The following CDH18 variants were observed in gnomAD, a reference collection of about 807,000 sequenced individuals.
CDH18 encodes the protein cadherin 18.
A neutral mutation model predicts 67.9 loss-of-function variants in CDH18; 31 were observed. That is an observed-to-expected ratio of 0.46 (90% CI 0.34 to 0.62). The LOEUF is 0.62. Ranked by LOEUF, CDH18 falls within the 20% of genes least tolerant of loss-of-function variation. CDH18 has a pLI of 0.01. For missense variants in CDH18, 890 were observed against 975.5 expected (o/e 0.91, Z 1.17); for synonymous variants, 362 against 347.2 (o/e 1.04, Z -0.48).
In CDH18 at chr5:20,076,771, A is replaced by C. The variant is rs568747300; in HGVS notation, c.-517-84757T>G. On this transcript the variant is annotated intron_variant, in intron 2 of 14. Coordinates refer to the CDH18 transcript ENST00000507958. ...AATATTTTAGGAGAATTTTAGAAAT[A>C]TTTACAGATTAAAATGTAGGATAAA... Among the ~76,000 whole-genome samples the C allele has an allele frequency of 1.2e-4, 19 of 152,294 alleles. No individual in the cohort carries two copies. The South Asian group carries it at 3.5e-3, about 28-fold the overall frequency.
chr5:20,419,469 T>TG, intron 1 of CDH18, among the ~76,000 whole-genome samples: 1 of 55,682 alleles, frequency 1.8e-5, no homozygotes, highest in East Asian at 7.1e-4. Context: ...TCTGTTTTTT[T>TG]TTTTTTTTTT....
At chr5:19,949,972 GATAT>G (rs58811876) in intron 2 of CDH18, among the ~76,000 whole-genome samples, 3 of 148,798 alleles carry the variant, frequency 2.0e-5, no homozygotes, top group Non-Finnish European at 3.0e-5. Context: ...AAGAAAATAT[GATAT>G]ATATATATAT....
rs1395589264 is a variant in CDH18, at chr5:19,503,101, A to T, written c.1521T>A (p.His507Gln). The change falls in exon 11 of 13, where the codon CAT becomes CAA. Residue 507 changes from histidine to glutamine, a missense_variant. Physicochemically the swap from His to Gln is conservative, Grantham distance 24. Around this residue, in one of 2 missense-constraint regions of CDH18, gnomAD observed 656 missense variants for 668.1 expected, o/e 0.98. Transcript: ENST00000382275. Reference protein sequence around the residue: ...CENSKPGQVIHTISATDKDDF... With the variant: ...CENSKPGQVIQTISATDKDDF... ...CATCTTTATCAGTGGCACTGATGGT[A>T]TGAATAACCTAAAGAAAAGACAAAC... The T allele has an allele frequency of 1.3e-6, 2 of 1,541,776 alleles. No individual in the cohort carries two copies. The highest frequency in any genetic ancestry group is 2.2e-5 in the South Asian group (2 of 89,190).
intron 1 of CDH18, among the ~76,000 whole-genome samples, chr5:20,411,180 A>G (rs933879889): frequency 6.6e-6 from 1 of 152,024 alleles, no homozygotes; most frequent in African/African-American, 2.4e-5. Context: ...AGCTAGAGAT[A>G]TCACACATCT....
chr5:19,516,560 T>C (rs1290268390), intron 10 of CDH18, among the ~76,000 whole-genome samples: 2 of 152,198 alleles, frequency 1.3e-5, no homozygotes, highest in African/African-American at 4.8e-5. Flanking sequence ...ATTCAACATC[T>C]TCCTGGTTTA....
chr5:19,707,941 C>T (rs6860338), intron 5 of CDH18, among the ~76,000 whole-genome samples: 138,397 of 152,294 alleles, frequency 0.91, 64,302 homozygotes, highest in East Asian at 1. Context: ...GGCCACACTA[C>T]GTTCAGCTGG....
intron 2 of CDH18, among the ~76,000 whole-genome samples, chr5:20,205,194 A>C (rs573839791): frequency 3.3e-5 from 5 of 152,122 alleles, no homozygotes; most frequent in Admixed American, 3.3e-4. Context: ...TAAAACCGAT[A>C]TTACATGCAG....
At chr5:20,007,634 A>G (rs149654808) in intron 2 of CDH18, among the ~76,000 whole-genome samples, 13 of 151,130 alleles carry the variant, frequency 8.6e-5, no homozygotes, top group Admixed American at 4.6e-4. Flanking sequence ...TTGAAATCAG[A>G]GATGTTTATT....
chr5:20,401,740 G>T (rs887399857), intron 1 of CDH18, among the ~76,000 whole-genome samples: 5 of 152,068 alleles, frequency 3.3e-5, no homozygotes, highest in African/African-American at 1.2e-4. Flanking sequence ...TTTCTTCACT[G>T]CTAAGAAACT....
intron 2 of CDH18, among the ~76,000 whole-genome samples, chr5:20,052,396 C>T (rs1561750040): frequency 1.3e-5 from 2 of 152,010 alleles, no homozygotes; most frequent in African/African-American, 2.4e-5. Flanking sequence ...GACATACTAT[C>T]AGTAATGGGT....
intron 1 of CDH18, among the ~76,000 whole-genome samples, chr5:20,353,309 T>G (rs1355755849): frequency 6.6e-6 from 1 of 152,176 alleles, no homozygotes; most frequent in African/African-American, 2.4e-5. Flanking sequence ...GCCAGTAATA[T>G]GAGGCTTTTC....
At chr5:20,456,080 C>A (rs1483596990) in intron 1 of CDH18, among the ~76,000 whole-genome samples, 3 of 152,026 alleles carry the variant, frequency 2.0e-5, no homozygotes, top group African/African-American at 7.2e-5. Flanking sequence ...TGCTTATTAG[C>A]CTCCTTCAAC....
chr5:20,536,091 T>C (rs1209245516), intron 1 of CDH18, among the ~76,000 whole-genome samples: 1 of 152,184 alleles, frequency 6.6e-6, no homozygotes, highest in Non-Finnish European at 1.5e-5. Context: ...AGCTTGCATA[T>C]AATTCTTATA....
At chr5:20,192,565 A>C (rs1312970836) in intron 2 of CDH18, among the ~76,000 whole-genome samples, 1 of 152,172 alleles carries the variant, frequency 6.6e-6, no homozygotes, top group Non-Finnish European at 1.5e-5. Context: ...AGTTTTCTGC[A>C]TATGGCTAGC....
intron 3 of CDH18, among the ~76,000 whole-genome samples, chr5:19,795,381 A>G (rs907417919): frequency 1.3e-4 from 20 of 152,162 alleles, no homozygotes; most frequent in African/African-American, 4.8e-4. Flanking sequence ...GGAAAACTGA[A>G]GTTCAGCAGT....
At chr5:20,223,758 T>C (rs1561890384) in intron 2 of CDH18, among the ~76,000 whole-genome samples, 1 of 152,064 alleles carries the variant, frequency 6.6e-6, no homozygotes, top group East Asian at 1.9e-4. Flanking sequence ...ATAGGATTTA[T>C]AAAGGGTAGT....
intron 3 of CDH18, among the ~76,000 whole-genome samples, chr5:19,756,775 G>C (rs1407997784): frequency 6.6e-6 from 1 of 152,208 alleles, no homozygotes. Context: ...AGGCCTCTAG[G>C]CCAGCAGAAT....
intron 2 of CDH18, among the ~76,000 whole-genome samples, chr5:20,191,728 T>C (rs1460631826): frequency 2.0e-5 from 3 of 152,178 alleles, no homozygotes. Flanking sequence ...ATGATATATA[T>C]GTACCTCATT....
At chr5:19,961,529 C>T (rs1160856525) in intron 2 of CDH18, among the ~76,000 whole-genome samples, 1 of 152,062 alleles carries the variant, frequency 6.6e-6, no homozygotes, top group Non-Finnish European at 1.5e-5. Flanking sequence ...AATTGTGATG[C>T]CACTGGCAAT....
Sources: gnomAD v4.1 joint callset for allele counts (sites outside exome capture counted in the v4.1 genomes callset) on GRCh38, gnomAD v4.1.1 for gene constraint, gnomAD v4.1.1 regional missense constraint, MANE v1.5 for transcripts, NCBI Gene and HGNC (gene_info 2026-07-23, HGNC 2026-07-21) for gene names.